The following RGS6 variants were observed in gnomAD, a reference collection of about 807,000 sequenced individuals.
RGS6 encodes regulator of G protein signaling 6.
In RGS6, 30 loss-of-function variants were observed where a neutral mutation model predicts 78.5. That is an observed-to-expected ratio of 0.38 (90% CI 0.29 to 0.52). The LOEUF is 0.52. Among genes scored for constraint, RGS6 ranks in the 20% least tolerant of loss-of-function variants. The probability of loss-of-function intolerance (pLI) is 0.85; values close to 1 mark genes in which losing one functional copy is unlikely to be tolerated. For missense variants in RGS6, 495 were observed against 609.7 expected (o/e 0.81, Z 1.98); for synonymous variants, 206 against 206.0 (o/e 1.00, Z 0.00).
chr14:72,336,044 G>A (rs1309194744), intron 2 of RGS6, among the ~76,000 whole-genome samples: 1 of 152,142 alleles, frequency 6.6e-6, no homozygotes, highest in East Asian at 1.9e-4. Context: ...TTCTGTTAAT[G>A]CATCCTGAGA....
intron 2 of RGS6, among the ~76,000 whole-genome samples, chr14:72,266,394 T>TGTATTCGGTGGTTGCACAGTTATGCC (rs2059075283): frequency 6.6e-6 from 1 of 152,162 alleles, no homozygotes; most frequent in Non-Finnish European, 1.5e-5. Context: ...TCCTCTCTGC[T>TGTATTCGGTGGTTGCACAGTTATGCC]GTATTCGGTG....
intron 2 of RGS6, among the ~76,000 whole-genome samples, chr14:71,981,448 T>A (rs1220602354): frequency 6.6e-6 from 1 of 152,136 alleles, no homozygotes; most frequent in Admixed American, 6.6e-5. Flanking sequence ...GGTGTGGGTG[T>A]CCTTTCTGTT....
Position 72,563,769 on chromosome 14 carries a change from CATT to C in RGS6, c.*1303_*1305del, listed in dbSNP as rs954354913. 1.3e-5 allele frequency: 2 copies of C among 152,172 alleles called. No homozygotes were observed. Among genetic ancestry groups the C allele is most frequent in the African/African-American group, 4.8e-5 (2 of 41,422 alleles). 9.4% of individuals were successfully genotyped at this position (152,172 alleles called of 1,614,324 possible). ...AGCAAACGGTAGCTAATACTATCAT[CATT>C]GTCATTGTTATTGTGACACCCATGA... On this transcript the variant is annotated 3_prime_UTR_variant, in exon 18 of 18. Coordinates refer to ENST00000553525, the MANE Select transcript of RGS6 (RefSeq NM_001204424.2).
intron 2 of RGS6, among the ~76,000 whole-genome samples, chr14:72,155,688 T>C (rs974216981): frequency 2.0e-5 from 3 of 152,258 alleles, no homozygotes; most frequent in African/African-American, 7.2e-5. Flanking sequence ...TTTAAAAATA[T>C]GACATGAAGC....
At chr14:71,958,660 GC>G (rs11308726) in intron 1 of RGS6, among the ~76,000 whole-genome samples, 142,977 of 152,128 alleles carry the variant, frequency 0.94, 67,289 homozygotes, top group East Asian at 0.99. Context: ...AGCTAAAGGA[GC>G]CCCCCCATTA....
At chr14:72,188,667 A>G (rs1226518783) in intron 2 of RGS6, among the ~76,000 whole-genome samples, 1 of 152,176 alleles carries the variant, frequency 6.6e-6, no homozygotes, top group African/African-American at 2.4e-5. Context: ...CTTTGCTACC[A>G]TTCTGTCATG....
intron 2 of RGS6, among the ~76,000 whole-genome samples, chr14:72,284,670 G>C (rs976345183): frequency 6.6e-6 from 1 of 152,226 alleles, no homozygotes; most frequent in African/African-American, 2.4e-5. Context: ...CCCCCACACA[G>C]AGTCCCCACA....
At chr14:72,054,879 T>G (rs1373504870) in intron 2 of RGS6, among the ~76,000 whole-genome samples, 2 of 152,236 alleles carry the variant, frequency 1.3e-5, no homozygotes, top group Non-Finnish European at 2.9e-5. Flanking sequence ...CCCTGGCTTA[T>G]ATGATCTCTT....
chr14:72,561,801 G>T lies in RGS6; in HGVS notation c.1423-616G>T, dbSNP rs10134884. ...CAGATGGGAAGCCAAGAACATAGGAGACAGCAGGAGTGCACTGCCCTGGGG... is the reference window on the plus strand; with the variant it reads ...CAGATGGGAAGCCAAGAACATAGGATACAGCAGGAGTGCACTGCCCTGGGG... On this transcript the variant is annotated intron_variant, in intron 17 of 17. Transcript: ENST00000553525. 5.7e-3 allele frequency among the ~76,000 whole-genome samples: 872 copies of T among 152,312 alleles called. 11 individuals are homozygous for T. The highest frequency in any genetic ancestry group is 0.019 in the African/African-American group (803 of 41,562).
At chr14:72,301,959 G>A (rs1595533499) in intron 2 of RGS6, among the ~76,000 whole-genome samples, 1 of 152,236 alleles carries the variant, frequency 6.6e-6, no homozygotes, top group Non-Finnish European at 1.5e-5. Flanking sequence ...AATTTTGGGG[G>A]ACATGATAAC....
intron 2 of RGS6, among the ~76,000 whole-genome samples, chr14:72,038,180 G>A (rs931813172): frequency 6.6e-6 from 1 of 152,070 alleles, no homozygotes; most frequent in Admixed American, 6.6e-5. Context: ...ATGTTGGCCA[G>A]TCTTGTCTTG....
At chr14:72,284,303 G>T (rs546809047) in intron 2 of RGS6, among the ~76,000 whole-genome samples, 1 of 152,148 alleles carries the variant, frequency 6.6e-6, no homozygotes, top group African/African-American at 2.4e-5. Flanking sequence ...TGTCTCCAGG[G>T]CATGTCAGAT....
the RGS6 span, among the ~76,000 whole-genome samples, chr14:71,890,266 A>T: frequency 6.6e-6 from 1 of 151,982 alleles, no homozygotes; most frequent in Non-Finnish European, 1.5e-5. Flanking sequence ...AAATCAGTGC[A>T]GGAGAGGTCC....
chr14:72,047,674 A>G (rs1316238116), intron 2 of RGS6, among the ~76,000 whole-genome samples: 3 of 152,198 alleles, frequency 2.0e-5, no homozygotes, highest in South Asian at 2.1e-4. Flanking sequence ...CCTTATCCAA[A>G]TGCGATATTT....
At chr14:72,540,563 G>A in intron 17 of RGS6, 1 of 1,550,300 alleles carries the variant, frequency 6.5e-7, no homozygotes, top group Non-Finnish European at 8.7e-7. Context: ...GCGAGCTAAT[G>A]TTGCTGTGTA....
Position 71,932,478 on chromosome 14 carries a change from G to T in RGS6, c.-484G>T, listed in dbSNP as rs1414045053. On this transcript the variant is annotated 5_prime_UTR_variant, in exon 1 of 18. Coordinates refer to ENST00000553525, the MANE Select transcript of RGS6 (RefSeq NM_001204424.2). ...CTCCTCGCGCTCGGCCCTGCTCGGC[G>T]GCGAGAGCTCCGCCTGGGCGCCGCG... 6.6e-6 allele frequency: 1 copy of T among 151,774 alleles called. No individual in the cohort carries two copies. Among genetic ancestry groups the T allele is most frequent in the African/African-American group, 2.4e-5 (1 of 41,406 alleles). 9.4% of individuals were successfully genotyped at this position (151,774 alleles called of 1,614,324 possible). A position where few individuals can be genotyped will look rare whatever the true frequency, so the allele number is the denominator to read the frequency against.
intron 2 of RGS6, among the ~76,000 whole-genome samples, chr14:72,243,663 A>G (rs1289930114): frequency 6.6e-6 from 1 of 152,184 alleles, no homozygotes; most frequent in African/African-American, 2.4e-5. Context: ...ATGAAGGCAA[A>G]ATGCACTGCT....
chr14:72,605,970 G>T, the RGS6 span, among the ~76,000 whole-genome samples: 1 of 152,238 alleles, frequency 6.6e-6, no homozygotes, highest in African/African-American at 2.4e-5. Context: ...GAGCTGTGCT[G>T]GTCACTGGTT....
intron 3 of RGS6, among the ~76,000 whole-genome samples, chr14:72,399,745 G>T (rs1438178913): frequency 1.3e-5 from 2 of 152,096 alleles, no homozygotes; most frequent in Non-Finnish European, 2.9e-5. Flanking sequence ...AAATCTCTCA[G>T]CATTTGCTTG....
Sources: gnomAD v4.1 joint callset for allele counts (sites outside exome capture counted in the v4.1 genomes callset) on GRCh38, gnomAD v4.1.1 for gene constraint, MANE v1.5 for transcripts, NCBI Gene and HGNC (gene_info 2026-07-23, HGNC 2026-07-21) for gene names.